Variants in CNTN4 observed in about 807,000 individuals in gnomAD.
CNTN4 encodes the protein contactin-4.
Under a neutral mutation model 122.5 loss-of-function variants are expected in CNTN4, and 77 were observed. The ratio of observed to expected loss-of-function variants is 0.63; its 90% CI spans 0.52 to 0.76. The LOEUF (loss-of-function observed/expected upper bound fraction) is 0.76, where lower values mean the gene tolerates loss of function less well. Ranked by LOEUF, CNTN4 falls within the 30% of genes least tolerant of loss-of-function variation. CNTN4 has a pLI of 0.00. For synonymous variants in CNTN4, 512 were observed against 447.0 expected (o/e 1.15, Z -1.83); for missense variants, 1,256 against 1,259.1 (o/e 1.00, Z 0.04).
chr3:2,719,749 A>G (rs1413953979), intron 4 of CNTN4, among the ~76,000 whole-genome samples: 1 of 152,136 alleles, frequency 6.6e-6, no homozygotes, highest in Non-Finnish European at 1.5e-5. Context: ...AAATAGAATG[A>G]AAAGTTAATT....
chr3:2,993,293 T>C (rs1386722425), intron 14 of CNTN4, among the ~76,000 whole-genome samples: 2 of 150,524 alleles, frequency 1.3e-5, no homozygotes, highest in African/African-American at 2.4e-5. Flanking sequence ...TGACAGAGAC[T>C]GTGTAATTTT....
chr3:2,132,096 C>A (rs1320098167), intron 2 of CNTN4, among the ~76,000 whole-genome samples: 4 of 152,132 alleles, frequency 2.6e-5, no homozygotes, highest in African/African-American at 7.2e-5. Flanking sequence ...TTCTTGGCAT[C>A]TTCACTCTAG....
Position 2,516,080 on chromosome 3 carries a change from C to T in CNTN4, c.-88-55336C>T, listed in dbSNP as rs9838583. ...TAGTTGAAATACTCATTTTTCTCTC[C>T]ATTTTTATTATTGGGAGGTCTCTAT... On this transcript the variant is annotated intron_variant, in intron 3 of 24. Coordinates refer to ENST00000418658, the MANE Select transcript of CNTN4 (RefSeq NM_175607.3). Among the ~76,000 whole-genome samples the T allele has an allele frequency of 4.9e-3, 750 of 151,930 alleles. 7 individuals are homozygous for T. The highest frequency in any genetic ancestry group is 0.017 in the African/African-American group (708 of 41,450).
chr3:2,938,093 C>G (rs2094581557), intron 13 of CNTN4, among the ~76,000 whole-genome samples: 1 of 152,148 alleles, frequency 6.6e-6, no homozygotes, highest in Admixed American at 6.5e-5. Context: ...GTCAGCTTAA[C>G]TGTGAAGAAG....
At chr3:2,488,656 A>G (rs1373909261) in intron 3 of CNTN4, among the ~76,000 whole-genome samples, 1 of 152,188 alleles carries the variant, frequency 6.6e-6, no homozygotes, top group Non-Finnish European at 1.5e-5. Flanking sequence ...GTTTATATAA[A>G]TTAGCCTATG....
At chr3:2,297,849 G>C (rs897502873) in intron 2 of CNTN4, among the ~76,000 whole-genome samples, 1 of 152,116 alleles carries the variant, frequency 6.6e-6, no homozygotes, top group Admixed American at 6.5e-5. Flanking sequence ...TCCCATCTCA[G>C]CCTCCTGAGT....
At chr3:2,960,918 G>A (rs17029808) in intron 13 of CNTN4, among the ~76,000 whole-genome samples, 26,113 of 151,874 alleles carry the variant, frequency 0.17, 2,544 homozygotes, top group East Asian at 0.41. Context: ...AAATCGTTTC[G>A]CTACCATGCG....
intron 4 of CNTN4, among the ~76,000 whole-genome samples, chr3:2,719,108 T>C (rs780391369): frequency 1.3e-4 from 20 of 152,214 alleles, no homozygotes; most frequent in Admixed American, 7.2e-4. Context: ...AGTGAAGATA[T>C]GTTCAATGAA....
At chr3:2,333,152 C>G (rs111358079) in intron 2 of CNTN4, among the ~76,000 whole-genome samples, 83 of 152,286 alleles carry the variant, frequency 5.5e-4, no homozygotes, top group African/African-American at 1.9e-3. Context: ...GCAGCATAAG[C>G]CATTCCCACT....
At chr3:2,721,185 T>C (rs1475393984) in intron 4 of CNTN4, among the ~76,000 whole-genome samples, 1 of 152,150 alleles carries the variant, frequency 6.6e-6, no homozygotes, top group Non-Finnish European at 1.5e-5. Context: ...TTGGCCAGAC[T>C]GGTCTCCAAC....
At chr3:2,328,191 G>C (rs1021319498) in intron 2 of CNTN4, among the ~76,000 whole-genome samples, 7 of 152,132 alleles carry the variant, frequency 4.6e-5, no homozygotes, top group African/African-American at 9.7e-5. Context: ...GGATCACGGG[G>C]TCAGGAGATC....
chr3:2,635,274 C>G (rs1350610838), intron 4 of CNTN4, among the ~76,000 whole-genome samples: 1 of 151,758 alleles, frequency 6.6e-6, no homozygotes, highest in South Asian at 2.1e-4. Flanking sequence ...AAAGTAAAGT[C>G]AAAAAAGGAC....
intron 2 of CNTN4, among the ~76,000 whole-genome samples, chr3:2,265,613 G>A (rs2041011363): frequency 6.6e-6 from 1 of 151,982 alleles, no homozygotes; most frequent in South Asian, 2.1e-4. Context: ...GATGTCATTG[G>A]TATTTTGATG....
intron 2 of CNTN4, among the ~76,000 whole-genome samples, chr3:2,154,511 T>A (rs908777321): frequency 6.6e-6 from 1 of 152,222 alleles, no homozygotes; most frequent in Non-Finnish European, 1.5e-5. Context: ...TCTGGCATAA[T>A]ATCCTTGTCT....
chr3:2,433,572 G>A (rs928166859), intron 3 of CNTN4, among the ~76,000 whole-genome samples: 4 of 151,992 alleles, frequency 2.6e-5, no homozygotes, highest in African/African-American at 9.7e-5. Context: ...CCCAATCTGT[G>A]GTTGTCTCTT....
chr3:2,386,314 A>G (rs66906407), intron 3 of CNTN4, among the ~76,000 whole-genome samples: 28,857 of 151,998 alleles, frequency 0.19, 2,991 homozygotes, highest in Middle Eastern at 0.27. Context: ...TGACAGTAGA[A>G]TGGCCAGGTG....
At chr3:3,048,890 A>G (rs1373989842) in intron 23 of CNTN4, among the ~76,000 whole-genome samples, 4 of 152,142 alleles carry the variant, frequency 2.6e-5, no homozygotes, top group South Asian at 2.1e-4. Flanking sequence ...TAAGGCCCCA[A>G]ATATTTTGTC....
chr3:2,473,670 C>T (rs1168969699), intron 3 of CNTN4, among the ~76,000 whole-genome samples: 1 of 152,110 alleles, frequency 6.6e-6, no homozygotes, highest in South Asian at 2.1e-4. Flanking sequence ...GATTAGTGGT[C>T]TCCCTTGCAT....
intron 12 of CNTN4, among the ~76,000 whole-genome samples, chr3:2,918,992 A>G (rs2094398950): frequency 6.6e-6 from 1 of 152,318 alleles, no homozygotes; most frequent in Admixed American, 6.5e-5. Context: ...TTTTTATAAT[A>G]CACAAAAGGG....
Sources: allele counts gnomAD v4.1 joint callset (sites outside exome capture counted in the v4.1 genomes callset), GRCh38; gene constraint gnomAD v4.1.1; transcripts MANE v1.5; gene names NCBI Gene and HGNC (gene_info 2026-07-23, HGNC 2026-07-21).